Variants in THRB observed in about 807,000 individuals in gnomAD.
THRB encodes nuclear receptor subfamily 1 group A member 2.
A neutral mutation model predicts 47.8 loss-of-function variants in THRB; 12 were observed. The observed-to-expected ratio is 0.25, with a 90% CI of 0.16 to 0.41. The LOEUF is 0.41. Ranked by LOEUF, THRB falls within the 10% of genes least tolerant of loss-of-function variation. The pLI is 1.00. For missense variants in THRB, 348 were observed against 589.2 expected (o/e 0.59, Z 4.24); for synonymous variants, 218 against 212.2 (o/e 1.03, Z -0.24).
chr3:24,126,640 G>C (rs78692881), intron 10 of THRB, among the ~76,000 whole-genome samples: 1 of 121,784 alleles, frequency 8.2e-6, no homozygotes, highest in African/African-American at 3.2e-5. Context: ...AAGTGCCAAA[G>C]CACATCTACA....
chr3:24,348,095 A>G (rs1477370593), intron 1 of THRB, among the ~76,000 whole-genome samples: 1 of 152,194 alleles, frequency 6.6e-6, no homozygotes, highest in Non-Finnish European at 1.5e-5. Flanking sequence ...ACAAAGTGTT[A>G]GCAGACCGAA....
Position 24,118,683 on chromosome 3 carries a change from T to G in THRB, c.*4201A>C, listed in dbSNP as rs1203634377. 1 of 152,660 alleles carries G rather than the reference T, an allele frequency of 6.6e-6. No homozygotes were observed. The highest frequency in any genetic ancestry group is 1.5e-5 in the Non-Finnish European group (1 of 68,048). The allele number at this position is 152,660 out of a possible 1,614,324, so 9.5% of individuals were successfully genotyped here. On this transcript the variant is annotated 3_prime_UTR_variant, in exon 11 of 11. Transcript: ENST00000646209. ...TGATAATTTCTGTATCAACAATACA[T>G]ATGTAAAGTGTCTCCTTTTGTCTTA...
Position 24,152,418 on chromosome 3 carries a change from T to C in THRB, c.356A>G (p.Tyr119Cys). The C allele has an allele frequency of 6.2e-7, 1 of 1,613,082 alleles. No individual in the cohort carries two copies. The highest frequency in any genetic ancestry group is 8.5e-7 in the Non-Finnish European group (1 of 1,179,176). Residue 119 changes from tyrosine to cysteine, a missense_variant, in exon 6 of 11, where the codon TAC becomes TGC. This residue lies in a region of THRB where 112 missense variants were observed against 212.3 expected (regional missense o/e 0.53). Coordinates refer to ENST00000646209, the MANE Select transcript of THRB (RefSeq NM_001354712.2). ...GCAGCCTTCACACGTGATACAGCGG[T>C]AGTGATACCCGGTGGCTTTGTCACC... Reference protein sequence around the residue: ...VCGDKATGYHYRCITCEGCKG... With the variant: ...VCGDKATGYHCRCITCEGCKG...
At chr3:24,430,442 C>T (rs1426809159) in intron 1 of THRB, among the ~76,000 whole-genome samples, 1 of 151,938 alleles carries the variant, frequency 6.6e-6, no homozygotes, top group Non-Finnish European at 1.5e-5. Context: ...GAATCAGATC[C>T]CTACCTCATG....
At chr3:24,275,654 T>C (rs2053845726) in intron 3 of THRB, among the ~76,000 whole-genome samples, 1 of 152,232 alleles carries the variant, frequency 6.6e-6, no homozygotes, top group African/African-American at 2.4e-5. Context: ...TGTATTTTTG[T>C]TTGGGTTTTT....
chr3:24,232,248 C>T (rs2048329457), intron 3 of THRB, among the ~76,000 whole-genome samples: 1 of 152,188 alleles, frequency 6.6e-6, no homozygotes, highest in Non-Finnish European at 1.5e-5. Context: ...TTGGTTATCG[C>T]GAGGCCTTGG....
At chr3:24,329,374 T>C (rs2061777114) in intron 2 of THRB, among the ~76,000 whole-genome samples, 1 of 152,210 alleles carries the variant, frequency 6.6e-6, no homozygotes, top group Admixed American at 6.5e-5. Context: ...TCTTCACCTG[T>C]GTAGACTCAT....
chr3:24,223,769 T>C (rs796409806), intron 4 of THRB, among the ~76,000 whole-genome samples: 1 of 151,942 alleles, frequency 6.6e-6, no homozygotes, highest in African/African-American at 2.4e-5. Context: ...CTGTTTAAGA[T>C]AGAAAATGAA....
chr3:24,325,766 T>G (rs1031919686), intron 2 of THRB, among the ~76,000 whole-genome samples: 4 of 152,244 alleles, frequency 2.6e-5, no homozygotes, highest in Non-Finnish European at 4.4e-5. Flanking sequence ...TTTTCTTCAT[T>G]GATTAACTTC....
intron 3 of THRB, among the ~76,000 whole-genome samples, chr3:24,280,778 T>C (rs2054493623): frequency 6.6e-6 from 1 of 151,998 alleles, no homozygotes; most frequent in African/African-American, 2.4e-5. Flanking sequence ...GCTCGAGAAC[T>C]ACGTGAAGAA....
chr3:24,265,026 G>C (rs908192358), intron 3 of THRB, among the ~76,000 whole-genome samples: 7 of 152,242 alleles, frequency 4.6e-5, no homozygotes, highest in South Asian at 2.1e-4. Flanking sequence ...AGAATGCCTC[G>C]AGGGGAAAGT....
At chr3:24,236,123 C>T (rs2048844458) in intron 3 of THRB, among the ~76,000 whole-genome samples, 2 of 152,284 alleles carry the variant, frequency 1.3e-5, no homozygotes, top group East Asian at 1.9e-4. Context: ...GGAGTTTCCC[C>T]TTCTTTTCCT....
intron 5 of THRB, among the ~76,000 whole-genome samples, chr3:24,171,736 C>G (rs1366312715): frequency 2.0e-5 from 3 of 152,082 alleles, no homozygotes; most frequent in African/African-American, 7.2e-5. Context: ...TGTCCCTCCT[C>G]AGCATTTCTG....
intron 5 of THRB, chr3:24,165,231 G>A (rs1432839296): frequency 1.3e-6 from 1 of 764,988 alleles, no homozygotes; most frequent in Non-Finnish European, 2.4e-6. Flanking sequence ...GGCACAGCCT[G>A]AGCATCGCAA....
At chr3:24,298,177 C>A (rs527622093) in intron 2 of THRB, among the ~76,000 whole-genome samples, 1 of 152,218 alleles carries the variant, frequency 6.6e-6, no homozygotes, top group African/African-American at 2.4e-5. Flanking sequence ...TTGGTTTCAA[C>A]TTTTTATTAA....
intron 2 of THRB, among the ~76,000 whole-genome samples, chr3:24,326,300 G>A (rs2061590050): frequency 6.6e-6 from 1 of 152,258 alleles, no homozygotes; most frequent in South Asian, 2.1e-4. Context: ...CAATGGCACA[G>A]TCTCGGCTCA....
intron 1 of THRB, among the ~76,000 whole-genome samples, chr3:24,450,746 A>T (rs2072569215): frequency 6.6e-6 from 1 of 152,092 alleles, no homozygotes; most frequent in East Asian, 1.9e-4. Context: ...CTTTTTTTTG[A>T]GAGAGAGATT....
intron 4 of THRB, among the ~76,000 whole-genome samples, chr3:24,201,214 A>T (rs574982352): frequency 1.7e-3 from 252 of 151,994 alleles, no homozygotes; most frequent in Non-Finnish European, 3.0e-3. Context: ...CCCCTGAAAC[A>T]TTTCAATTTC....
At chr3:24,442,975 G>A (rs1036183970) in intron 1 of THRB, among the ~76,000 whole-genome samples, 4 of 151,806 alleles carry the variant, frequency 2.6e-5, no homozygotes, top group Non-Finnish European at 4.4e-5. Context: ...TAGGTCAGGA[G>A]ATCGAGACCA....
Sources: gnomAD v4.1 joint callset for allele counts (sites outside exome capture counted in the v4.1 genomes callset) on GRCh38, gnomAD v4.1.1 for gene constraint, gnomAD v4.1.1 regional missense constraint, MANE v1.5 for transcripts, NCBI Gene and HGNC (gene_info 2026-07-23, HGNC 2026-07-21) for gene names.